PRELID2: variants seen among roughly 807,000 people sequenced by gnomAD.
PRELID2 encodes the protein PRELI domain-containing protein 2.
In PRELID2, 25 loss-of-function variants were observed where a neutral mutation model predicts 28.4. That is an observed-to-expected ratio of 0.88 (90% CI 0.64 to 1.23). The LOEUF is 1.23. Ranked by LOEUF, PRELID2 falls within the 50% of genes most tolerant of loss-of-function variation. The pLI, the probability that PRELID2 is intolerant of heterozygous loss-of-function variation, is 0.00. For synonymous variants in PRELID2, 76 were observed against 71.6 expected (o/e 1.06, Z -0.31); for missense variants, 201 against 214.4 (o/e 0.94, Z 0.39).
At chr5:145,509,108 C>T (rs1309581743) in intron 1 of PRELID2, among the ~76,000 whole-genome samples, 1 of 152,024 alleles carries the variant, frequency 6.6e-6, no homozygotes, top group African/African-American at 2.4e-5. Context: ...GCATCCTGGG[C>T]TGAAAAAATG....
At chr5:145,233,982 C>A in the PRELID2 span, among the ~76,000 whole-genome samples, 4 of 152,094 alleles carry the variant, frequency 2.6e-5, no homozygotes, top group Non-Finnish European at 5.9e-5. Context: ...TTTGCATTTA[C>A]GTTTATGCTA....
chr5:145,624,654 G>C (rs1329984004), intron 1 of PRELID2, among the ~76,000 whole-genome samples: 1 of 152,148 alleles, frequency 6.6e-6, no homozygotes, highest in Non-Finnish European at 1.5e-5. Flanking sequence ...TAAGAAAATA[G>C]AGAATATATG....
the PRELID2 span, among the ~76,000 whole-genome samples, chr5:145,373,818 G>A: frequency 1.4e-5 from 1 of 70,266 alleles, no homozygotes; most frequent in Non-Finnish European, 2.5e-5. Flanking sequence ...TATTATATAT[G>A]ATATTATATA....
chr5:145,630,230 T>C (rs988449135), intron 1 of PRELID2, among the ~76,000 whole-genome samples: 5 of 152,004 alleles, frequency 3.3e-5, no homozygotes, highest in East Asian at 1.9e-4. Flanking sequence ...CTAAAGACCA[T>C]TGGGTTTCAT....
the PRELID2 span, among the ~76,000 whole-genome samples, chr5:145,326,034 G>C: frequency 6.6e-6 from 1 of 152,034 alleles, no homozygotes; most frequent in African/African-American, 2.4e-5. Context: ...TTTGAGGCAG[G>C]GTCTTGCTCT....
chr5:145,435,900 A>G, the PRELID2 span, among the ~76,000 whole-genome samples: 3 of 152,178 alleles, frequency 2.0e-5, no homozygotes, highest in African/African-American at 2.4e-5. Context: ...TTTTTTTCAC[A>G]TATAGACTGA....
intron 1 of PRELID2, among the ~76,000 whole-genome samples, chr5:145,515,846 C>A (rs533900564): frequency 3.3e-5 from 5 of 152,316 alleles, no homozygotes; most frequent in African/African-American, 1.2e-4. Flanking sequence ...ATACCTAAAA[C>A]AATAAACGTA....
At position 145,671,814 on chromosome 5, in the gene PRELID2, A is replaced by G. The variant is rs576822326; in HGVS notation, n.70+93117T>C. Among the ~76,000 whole-genome samples, 148 of 152,308 alleles carry G rather than the reference A, an allele frequency of 9.7e-4. 2 individuals carry two copies. The highest frequency in any genetic ancestry group is 3.5e-3 in the African/African-American group (145 of 41,572). On this transcript the variant is annotated intron_variant and non_coding_transcript_variant, in intron 1 of 2. Coordinates refer to the PRELID2 transcript ENST00000510259. The stretch of plus-strand genomic sequence containing the variant: ...GACTTAGGAAAATGTTCTACAAGAA[A>G]CCAGAAATCTAGTTATCATACCAAG...
At chr5:145,460,665 G>T in the PRELID2 span, among the ~76,000 whole-genome samples, 1 of 152,084 alleles carries the variant, frequency 6.6e-6, no homozygotes, top group Non-Finnish European at 1.5e-5. Context: ...TATAAGGTAG[G>T]CATTAAGTCA....
intron 1 of PRELID2, among the ~76,000 whole-genome samples, chr5:145,644,445 G>T (rs1754162952): frequency 6.7e-6 from 1 of 149,136 alleles, no homozygotes; most frequent in Non-Finnish European, 1.5e-5. Context: ...CTATTTTGTT[G>T]AACTTTTCAA....
chr5:145,586,213 G>T lies in PRELID2; in HGVS notation n.71-112898C>A, dbSNP rs143694621. ...TTTCCTCCCACGAATTCCCCTGCCA[G>T]AAATGCCCTTTATTGCTGTACTTTG... is the stretch of plus-strand genomic sequence containing the variant. On this transcript the variant is annotated intron_variant and non_coding_transcript_variant, in intron 1 of 2. Coordinates refer to the PRELID2 transcript ENST00000510259. 1.6e-3 allele frequency among the ~76,000 whole-genome samples: 250 copies of T among 152,172 alleles called. 1 individual carries two copies. Among genetic ancestry groups the T allele is most frequent in the Middle Eastern group, 6.8e-3 (2 of 294 alleles).
At chr5:145,285,946 T>C in the PRELID2 span, among the ~76,000 whole-genome samples, 2 of 152,212 alleles carry the variant, frequency 1.3e-5, no homozygotes, top group Non-Finnish European at 2.9e-5. Flanking sequence ...GGCTAAGGAC[T>C]GGTTGCTGTA....
At chr5:145,624,559 A>G (rs191156412) in intron 1 of PRELID2, among the ~76,000 whole-genome samples, 1 of 152,204 alleles carries the variant, frequency 6.6e-6, no homozygotes, top group African/African-American at 2.4e-5. Flanking sequence ...AACTGAAACT[A>G]TGTATCTTTT....
the PRELID2 span, among the ~76,000 whole-genome samples, chr5:145,275,682 A>G: frequency 6.6e-6 from 1 of 152,124 alleles, no homozygotes; most frequent in Non-Finnish European, 1.5e-5. Context: ...AGTGGCATGC[A>G]CTAGCGTGAG....
chr5:145,374,667 C>T, the PRELID2 span, among the ~76,000 whole-genome samples: 5 of 151,700 alleles, frequency 3.3e-5, no homozygotes, highest in African/African-American at 1.2e-4. Context: ...TTCTTGGAGG[C>T]TTTGTTCATT....
At chr5:145,382,291 A>G in the PRELID2 span, among the ~76,000 whole-genome samples, 2 of 152,186 alleles carry the variant, frequency 1.3e-5, no homozygotes, top group South Asian at 4.1e-4. Flanking sequence ...GCAGTCTAGC[A>G]TACATAAAAT....
chr5:145,366,266 C>T, the PRELID2 span, among the ~76,000 whole-genome samples: 2 of 151,838 alleles, frequency 1.3e-5, no homozygotes, highest in African/African-American at 2.4e-5. Context: ...TGAGCAGTTG[C>T]GGCATGACAC....
chr5:145,359,278 G>T, the PRELID2 span, among the ~76,000 whole-genome samples: 3 of 152,110 alleles, frequency 2.0e-5, no homozygotes, highest in African/African-American at 7.2e-5. Context: ...TCAGAAACAG[G>T]ATTTGCCAGA....
intron 1 of PRELID2, among the ~76,000 whole-genome samples, chr5:145,587,030 T>C (rs927537368): frequency 6.6e-6 from 1 of 152,054 alleles, no homozygotes; most frequent in Non-Finnish European, 1.5e-5. Flanking sequence ...AGGCCAAATA[T>C]GCCAAGAGTC....
Sources: allele counts gnomAD v4.1 joint callset (sites outside exome capture counted in the v4.1 genomes callset), GRCh38; gene constraint gnomAD v4.1.1; transcripts MANE v1.5; gene names NCBI Gene and HGNC (gene_info 2026-07-23, HGNC 2026-07-21).